The following EPS8L2 variants were observed in gnomAD, a reference collection of about 807,000 sequenced individuals.
EPS8L2 encodes the protein epidermal growth factor receptor kinase substrate 8-like protein 2.
Under a neutral mutation model 99.4 loss-of-function variants are expected in EPS8L2, and 81 were observed. The ratio of observed to expected loss-of-function variants is 0.82; its 90% CI spans 0.68 to 0.98. The LOEUF is 0.98. Ranked by LOEUF, EPS8L2 falls within the 50% of genes least tolerant of loss-of-function variation. EPS8L2 has a pLI of 0.00. For synonymous variants in EPS8L2, 509 were observed against 407.3 expected (o/e 1.25, Z -3.01); for missense variants, 1,155 against 968.8 (o/e 1.19, Z -2.55).
rs1009812651 is a variant in EPS8L2 at position 727,031 on chromosome 11, G to A, written c.*50G>A. The stretch of plus-strand genomic sequence containing the variant: ...TGCGGAGGGGAAGCCCACCCACAAT[G>A]CATGGAGTATTATTTTTATATGTGT... On this transcript the variant is annotated 3_prime_UTR_variant, in exon 21 of 21. Coordinates refer to ENST00000318562, the MANE Select transcript of EPS8L2 (RefSeq NM_022772.4). The A allele has an allele frequency of 8.1e-7, 1 of 1,230,078 alleles. No homozygotes were observed. Among genetic ancestry groups the A allele is most frequent in the South Asian group, 1.2e-5 (1 of 80,652 alleles). The allele number at this position is 1,230,078 out of a possible 1,614,324, so 76.2% of individuals were successfully genotyped here. A position where few individuals can be genotyped will look rare whatever the true frequency, so the allele number is the denominator to read the frequency against.
At chr11:715,424 T>G (rs1217530581) in intron 4 of EPS8L2, among the ~76,000 whole-genome samples, 2 of 151,910 alleles carry the variant, frequency 1.3e-5, no homozygotes, top group Non-Finnish European at 2.9e-5. Flanking sequence ...TTTTGAGAAT[T>G]TGTGTTTTCT....
chr11:715,683 C>G (rs1236213705), intron 4 of EPS8L2, among the ~76,000 whole-genome samples: 2 of 145,592 alleles, frequency 1.4e-5, no homozygotes, highest in East Asian at 4.0e-4. Flanking sequence ...TGCAGTGGCA[C>G]GATCTTGATT....
rs773262347 is a variant in EPS8L2 at position 726,215 on chromosome 11, C to T, written c.1753+45C>T. The T allele has an allele frequency of 3.7e-5, 59 of 1,575,492 alleles. No homozygotes were observed. The South Asian group carries it at 4.7e-4, about 12-fold the overall frequency. ...GGCGGGGGTCCCGGGCCCAGGGCCA[C>T]CTGGGGGAGGAAGTGTGGGGGGGGT... On this transcript the variant is annotated intron_variant, in intron 18 of 20. Transcript: ENST00000318562.
At position 709,392 on chromosome 11, in the gene EPS8L2, C is replaced by A. The variant is rs200256444; in HGVS notation, c.-16C>A. ...TGAGGTCTGCCCTTCTCCCGCTGGC[C>A]GCCACCCAAGACACCATGAGCCAGT... is the stretch of plus-strand genomic sequence containing the variant. On this transcript the variant is annotated 5_prime_UTR_variant, in exon 2 of 21. Coordinates refer to ENST00000318562, the MANE Select transcript of EPS8L2 (RefSeq NM_022772.4). 1 of 1,572,708 alleles carries A rather than the reference C, an allele frequency of 6.4e-7. No homozygotes were observed. Among genetic ancestry groups the A allele is most frequent in the Non-Finnish European group, 8.6e-7 (1 of 1,160,744 alleles).
intron 4 of EPS8L2, among the ~76,000 whole-genome samples, chr11:719,685 G>A (rs1862106084): frequency 1.3e-5 from 2 of 152,240 alleles, no homozygotes; most frequent in African/African-American, 2.4e-5. Flanking sequence ...GTCGGGATGG[G>A]GTGACGGCTG....
Position 725,863 on chromosome 11 carries a change from T to A in EPS8L2, c.1680+16T>A. The stretch of plus-strand genomic sequence containing the variant: ...GTTCGAGCAGGTGAGCCCGCGGGGG[T>A]CCCTGGGGTCGCAGCCCCCAGCTTC... On this transcript the variant is annotated intron_variant, in intron 17 of 20. Transcript: ENST00000318562. 7.4e-7 allele frequency: 1 copy of A among 1,344,882 alleles called. No homozygotes were observed. Among genetic ancestry groups the A allele is most frequent in the Non-Finnish European group, 9.5e-7 (1 of 1,052,358 alleles). The allele number at this position is 1,344,882 out of a possible 1,614,324, so 83.3% of individuals were successfully genotyped here.
chr11:709,356 C>G lies in EPS8L2; in HGVS notation c.-52C>G. 1 of 1,545,152 alleles carries G rather than the reference C, an allele frequency of 6.5e-7. No homozygotes were observed. Among genetic ancestry groups the G allele is most frequent in the Non-Finnish European group, 8.8e-7 (1 of 1,142,588 alleles). On this transcript the variant is annotated 5_prime_UTR_variant, in exon 2 of 21. Transcript: ENST00000318562. ...TGTGGGACAGGCACTGGCCTCAGAC[C>G]GGGGCCACACTGAGGTCTGCCCTTC...
intron 4 of EPS8L2, among the ~76,000 whole-genome samples, 195 bp downstream of exon 4, chr11:710,681 A>T (rs531660875): frequency 1.4e-4 from 21 of 152,216 alleles, no homozygotes; most frequent in Non-Finnish European, 2.8e-4. Flanking sequence ...GTGAGCCAAG[A>T]TCGCACCACT....
Position 724,850 on chromosome 11 carries a change from G to A in EPS8L2, c.1560+21G>A, listed in dbSNP as rs1398827200. On this transcript the variant is annotated intron_variant, in intron 16 of 20. Coordinates refer to ENST00000318562, the MANE Select transcript of EPS8L2 (RefSeq NM_022772.4). This position sits in a 1 kb window ranked among gnomAD's most constrained non-coding sequence, Gnocchi z 5.5. ...TAGAGGTGAGGGGCTGGAGGACGGGGTCCAAGAGGGGGAAACAGGGCAGGG... is the reference window on the plus strand; with the variant it reads ...TAGAGGTGAGGGGCTGGAGGACGGGATCCAAGAGGGGGAAACAGGGCAGGG... 5.7e-6 allele frequency: 9 copies of A among 1,566,760 alleles called. No homozygotes were observed. In the Admixed American group the frequency reaches 8.4e-5, roughly 15 times the overall value.
At chr11:709,713 C>T in intron 3 of EPS8L2, 105 bp downstream of exon 3, 1 of 1,376,548 alleles carries the variant, frequency 7.3e-7, no homozygotes, top group Non-Finnish European at 1.0e-6. Flanking sequence ...TGGTCTGGCC[C>T]AGGGGATCTC....
intron 1 of EPS8L2, 172 bp downstream of exon 1, chr11:706,460 TCGAGTCCCCACCTCTCCTGGA>T (rs1413548163): frequency 1.3e-5 from 2 of 152,394 alleles, no homozygotes; most frequent in Admixed American, 1.3e-4. Flanking sequence ...GGGGGCCTGG[TCGAGTCCCCACCTCTCCTGGA>T]CGGGTCCTGC....
rs150717009 is a variant in EPS8L2 at position 713,761 on chromosome 11, G to A, written c.165+3275G>A. Among the ~76,000 whole-genome samples the A allele has an allele frequency of 9.5e-3, 1,443 of 152,326 alleles. 19 individuals carry two copies. Among genetic ancestry groups the A allele is most frequent in the African/African-American group, 0.033 (1,374 of 41,562 alleles). ...GGGTTTCACCATGTTGGCCAGGCTG[G>A]TCTTGAACTCCTGACCTCAATTGAT... On this transcript the variant is annotated intron_variant, in intron 4 of 20. Coordinates refer to ENST00000318562, the MANE Select transcript of EPS8L2 (RefSeq NM_022772.4).
Position 713,606 on chromosome 11 carries a change from G to A in EPS8L2, c.165+3120G>A, listed in dbSNP as rs540199485. 1.7e-4 allele frequency among the ~76,000 whole-genome samples: 26 copies of A among 152,276 alleles called. No individual in the cohort carries two copies. In the South Asian group the frequency reaches 4.1e-3, roughly 24 times the overall value. ...GTCACCTAGGCTGGAGTGCGGTGGCGTGATCTTGGTTCACTGCAACCTCCG... is the reference window on the plus strand; with the variant it reads ...GTCACCTAGGCTGGAGTGCGGTGGCATGATCTTGGTTCACTGCAACCTCCG... On this transcript the variant is annotated intron_variant, in intron 4 of 20. Transcript: ENST00000318562.
chr11:726,685 G>A lies in EPS8L2; in HGVS notation c.2001G>A (p.Lys667=), dbSNP rs202235680. The A allele has an allele frequency of 3.8e-6, 6 of 1,584,978 alleles. No individual in the cohort carries two copies. Among genetic ancestry groups the A allele is most frequent in the Admixed American group, 1.8e-5 (1 of 55,080 alleles). ...TCTCCCTCAACAAGGAGGAGCTGAA[G>A]AAAGTGTGCGGCGAGGAGGGCGTCC... ...QLFSLNKEEL[K]KVCGEEGVRV... is the part of the protein sequence containing the mutation. Residue 667 remains lysine (K), a synonymous_variant, in exon 20 of 21, where the codon AAG becomes AAA. Coordinates refer to ENST00000318562, the MANE Select transcript of EPS8L2 (RefSeq NM_022772.4).
chr11:709,424 C>T lies in EPS8L2; in HGVS notation c.17C>T (p.Ala6Val), dbSNP rs757231121. The T allele has an allele frequency of 9.4e-6, 15 of 1,593,338 alleles. No individual in the cohort carries two copies. The highest frequency in any genetic ancestry group is 1.7e-5 in the Admixed American group (1 of 57,184). The part of the protein sequence containing the change: MSQSG[A>V]VSCCPGATNG... ...CAAGACACCATGAGCCAGTCCGGGGCCGTGAGCTGCTGCCCGGGTGCCACC... is the reference window on the plus strand; with the variant it reads ...CAAGACACCATGAGCCAGTCCGGGGTCGTGAGCTGCTGCCCGGGTGCCACC... Residue 6 changes from alanine (A) to valine (V), a missense_variant, in exon 2 of 21, where the codon GCC (alanine) becomes GTC (valine). Ala to Val is a moderately conservative substitution (Grantham distance 64). Transcript: ENST00000318562.
chr11:726,237 G>T (rs975589184), intron 18 of EPS8L2, 67 bp downstream of exon 18: 79 of 1,565,454 alleles, frequency 5.0e-5, no homozygotes, highest in Non-Finnish European at 6.4e-5. Context: ...AGTGTGGGGG[G>T]GGTCCCTGGG....
At position 723,250 on chromosome 11, in the gene EPS8L2, G is replaced by C; in HGVS notation, c.1351G>C (p.Val451Leu). The C allele has an allele frequency of 6.2e-7, 1 of 1,601,748 alleles. No individual in the cohort carries two copies. Among genetic ancestry groups the C allele is most frequent in the East Asian group, 2.3e-5 (1 of 43,848 alleles). Residue 451 changes from valine to leucine, a missense_variant, in exon 15 of 21, where the codon GTG (valine) becomes CTG (leucine). Physicochemically the swap from Val to Leu is conservative, Grantham distance 32. Transcript: ENST00000318562. The stretch of plus-strand genomic sequence containing the variant: ...CCCACCTTCCCCACAGGTGAGTCCA[G>C]TGAGCCGACAGTCCATAAGAAACTC... ...ASAPIEEVSP[V>L]SRQSIRNSQK...
At chr11:722,288 G>C in intron 12 of EPS8L2, 113 bp from the exon 13 acceptor site, 2 of 1,536,344 alleles carry the variant, frequency 1.3e-6, no homozygotes, top group Non-Finnish European at 1.8e-6. Context: ...ACGCTGTGTG[G>C]CCACTCTCCC....
At chr11:715,110 C>T (rs555126435) in intron 4 of EPS8L2, among the ~76,000 whole-genome samples, 127 of 152,108 alleles carry the variant, frequency 8.3e-4, no homozygotes, top group Non-Finnish European at 1.4e-3. Flanking sequence ...GGTGGGATGG[C>T]GGGTGCCTGT....
Sources: gnomAD v4.1 joint callset for allele counts (sites outside exome capture counted in the v4.1 genomes callset) on GRCh38, gnomAD v4.1.1 for gene constraint, Gnocchi (gnomAD v3.1) non-coding constraint, MANE v1.5 for transcripts, NCBI Gene and HGNC (gene_info 2026-07-23, HGNC 2026-07-21) for gene names.